The following SLC45A3 variants were observed in gnomAD, a reference collection of about 807,000 sequenced individuals.
SLC45A3 encodes the protein prostate cancer associated protein 2.
Under a neutral mutation model 35.3 loss-of-function variants are expected in SLC45A3, and 17 were observed. The ratio of observed to expected loss-of-function variants is 0.48; its 90% confidence interval spans 0.33 to 0.72. The LOEUF (loss-of-function observed/expected upper bound fraction) is 0.72, where lower values mean the gene tolerates loss of function less well. SLC45A3 is among the 30% of genes least tolerant of loss of function. SLC45A3 has a pLI of 0.02. For synonymous variants in SLC45A3, 288 were observed against 334.3 expected (o/e 0.86, Z 1.51); for missense variants, 597 against 731.7 (o/e 0.82, Z 2.12).
chr1:205,661,465 T>G (rs1671021555), intron 4 of SLC45A3, among the ~76,000 whole-genome samples: 1 of 152,094 alleles, frequency 6.6e-6, no homozygotes, highest in Non-Finnish European at 1.5e-5. Context: ...AGAAAGGTGT[T>G]GCTAAGGCTG....
chr1:205,677,967 AG>A (rs1377841594), intron 1 of SLC45A3, among the ~76,000 whole-genome samples: 1 of 152,194 alleles, frequency 6.6e-6, no homozygotes, highest in Non-Finnish European at 1.5e-5. Flanking sequence ...GGCTTGGACG[AG>A]GTTATGTAAC....
chr1:205,680,337 G>T (rs963711346), intron 1 of SLC45A3, 57 bp downstream of exon 1: 1 of 152,022 alleles, frequency 6.6e-6, no homozygotes, highest in Non-Finnish European at 1.5e-5. Context: ...GTGCACTGCT[G>T]CTCCCTTTCC....
chr1:205,668,730 AG>A (rs1454305998), intron 1 of SLC45A3, among the ~76,000 whole-genome samples: 1 of 152,174 alleles, frequency 6.6e-6, no homozygotes, highest in Non-Finnish European at 1.5e-5. Flanking sequence ...CAGAAACGCA[AG>A]GAACAGGCAG....
intron 1 of SLC45A3, among the ~76,000 whole-genome samples, chr1:205,675,049 G>A (rs2102409982): frequency 6.6e-6 from 1 of 152,340 alleles, no homozygotes; most frequent in East Asian, 1.9e-4. Flanking sequence ...GTTTGAGGAA[G>A]CACACACAGG....
chr1:205,659,279 T>C lies in SLC45A3; in HGVS notation c.1617A>G (p.Thr539=), dbSNP rs763217225. The C allele has an allele frequency of 1.8e-4, 293 of 1,613,922 alleles. No individual in the cohort carries two copies. Among genetic ancestry groups the C allele is most frequent in the Non-Finnish European group, 2.4e-4 (283 of 1,179,976 alleles). The stretch of plus-strand genomic sequence containing the variant: ...AGTCGCTCTTGTCAAATACTACCTG[T>C]GTAGCAAAGTAAATGGCGACCAGAC... ...GLGLVAIYFA[T]QVVFDKSDLA... The change falls in exon 5 of 5, where the codon ACA becomes ACG. Residue 539 remains threonine, a synonymous_variant. Transcript: ENST00000367145. The surrounding 1 kb of genome is among the most constrained non-coding windows in gnomAD (Gnocchi z 5.8).
At chr1:205,677,856 T>C (rs1671336321) in intron 1 of SLC45A3, among the ~76,000 whole-genome samples, 1 of 152,376 alleles carries the variant, frequency 6.6e-6, no homozygotes, top group South Asian at 2.1e-4. Context: ...AGACTATATA[T>C]AACGTAATTA....
intron 1 of SLC45A3, among the ~76,000 whole-genome samples, chr1:205,675,549 G>C (rs1671296719): frequency 6.6e-6 from 1 of 152,030 alleles, no homozygotes. Flanking sequence ...CCCTCCTTTT[G>C]GTCTCTCCCC....
chr1:205,680,099 C>G (rs1253699448), intron 1 of SLC45A3, among the ~76,000 whole-genome samples: 3 of 150,922 alleles, frequency 2.0e-5, no homozygotes, highest in Non-Finnish European at 4.4e-5. Context: ...CACCGCCGCC[C>G]CGCCTGGGAC....
intron 1 of SLC45A3, among the ~76,000 whole-genome samples, chr1:205,667,742 C>G (rs925023793): frequency 7.2e-5 from 11 of 151,972 alleles, no homozygotes; most frequent in African/African-American, 2.7e-4. Context: ...GTCCAGCAAC[C>G]ATTAATCACC....
Position 205,663,174 on chromosome 1 carries a change from A to T in SLC45A3, c.617T>A (p.Ile206Asn). ...TGTGGCTGCTACGCAGGTGAGGAAGATGAGGGTGAGCAGGCCAAAGAGGCA... is the reference window on the plus strand; with the variant it reads ...TGTGGCTGCTACGCAGGTGAGGAAGTTGAGGGTGAGCAGGCCAAAGAGGCA... ...EECLFGLLTL[I>N]FLTCVAATLL... Residue 206 changes from isoleucine (I) to asparagine (N), a missense_variant, in exon 3 of 5, where the codon ATC becomes AAC. Ile to Asn is a moderately radical substitution (Grantham distance 149, BLOSUM62 -3). Around this residue, in one of 3 missense-constraint regions of SLC45A3, gnomAD observed 555 missense variants for 664.9 expected, o/e 0.83. Transcript: ENST00000367145. 1 of 1,612,970 alleles carries T rather than the reference A, an allele frequency of 6.2e-7. No homozygotes were observed. The highest frequency in any genetic ancestry group is 8.5e-7 in the Non-Finnish European group (1 of 1,179,856).
At chr1:205,675,639 G>A (rs767891459) in intron 1 of SLC45A3, among the ~76,000 whole-genome samples, 62 of 152,162 alleles carry the variant, frequency 4.1e-4, no homozygotes, top group African/African-American at 1.1e-3. Context: ...GGCTATCTGC[G>A]TGTCCCTAGA....
rs1402907090 is a variant in SLC45A3, at chr1:205,669,090, G to C, written c.-230-4204C>G. Among the ~76,000 whole-genome samples, 1 of 152,176 alleles carries C rather than the reference G, an allele frequency of 6.6e-6. No homozygotes were observed. The highest frequency in any genetic ancestry group is 1.5e-5 in the Non-Finnish European group (1 of 68,036). On this transcript the variant is annotated intron_variant, in intron 1 of 4. Transcript: ENST00000367145. This position sits in a 1 kb window ranked among gnomAD's most constrained non-coding sequence, Gnocchi z 4.1. ...TAATGAATGAATGGCTAAGAGCAAG[G>C]GGTGGCAGTAGAAGCAAGGGTGAGG... is the stretch of plus-strand genomic sequence containing the variant.
intron 1 of SLC45A3, among the ~76,000 whole-genome samples, chr1:205,675,389 A>G (rs1321494746): frequency 5.9e-5 from 9 of 152,190 alleles, no homozygotes. Flanking sequence ...GCCTCGGAAG[A>G]GAATAAGGGG....
At position 205,663,245 on chromosome 1, in the gene SLC45A3, G is replaced by C. The variant is rs1671061660; in HGVS notation, c.546C>G (p.Asp182Glu). The change falls in exon 3 of 5, where the codon GAC (aspartate) becomes GAG (glutamate). Residue 182 changes from aspartate to glutamate, a missense_variant. By Grantham distance (45) the Asp-to-Glu change is conservative. Transcript: ENST00000367145. ...AGGGGGCCAGGGCACTGGTGTCCCA[G>C]TCAATGGCAGGCAGGAGGTAGCCCA... ...GCLGYLLPAI[D>E]WDTSALAPYL... is the part of the protein sequence containing the mutation. The C allele has an allele frequency of 6.2e-7, 1 of 1,613,560 alleles. No homozygotes were observed. Among genetic ancestry groups the C allele is most frequent in the Non-Finnish European group, 8.5e-7 (1 of 1,180,026 alleles).
intron 1 of SLC45A3, among the ~76,000 whole-genome samples, chr1:205,676,203 T>C (rs1256553076): frequency 6.6e-6 from 1 of 152,116 alleles, no homozygotes; most frequent in Non-Finnish European, 1.5e-5. Flanking sequence ...TTGAACACTA[T>C]TTGCCAACTC....
chr1:205,662,638 C>G lies in SLC45A3; in HGVS notation c.958+195G>C. The G allele has an allele frequency of 7.2e-7, 1 of 1,385,720 alleles. No homozygotes were observed. Among genetic ancestry groups the G allele is most frequent in the Non-Finnish European group, 9.3e-7 (1 of 1,075,158 alleles). The allele number at this position is 1,385,720 out of a possible 1,614,324, so 85.8% of individuals were successfully genotyped here. ...ACTCTGATCAGACTCCTAGAGCAGC[C>G]AGAGGCCTTCCTGAAACCGCAAGCA... On this transcript the variant is annotated intron_variant, in intron 3 of 4. Coordinates refer to ENST00000367145, the MANE Select transcript of SLC45A3 (RefSeq NM_033102.3). This position sits in a 1 kb window ranked among gnomAD's most constrained non-coding sequence, Gnocchi z 6.2.
In SLC45A3 at chr1:205,662,837, A is replaced by G; in HGVS notation, c.954T>C (p.Asp318=). The change falls in exon 3 of 5, where the codon GAT becomes GAC. Residue 318 remains aspartate, a synonymous_variant. Coordinates refer to ENST00000367145, the MANE Select transcript of SLC45A3 (RefSeq NM_033102.3). The surrounding 1 kb of genome is among the most constrained non-coding windows in gnomAD (Gnocchi z 6.2). Reference sequence around the variant, plus strand: ...TGCTGGCTGCCAAGGCCTTACCTTCATCATAGTGTCTCCGGGCCTCGGTGC... The same window carrying G: ...TGCTGGCTGCCAAGGCCTTACCTTCGTCATAGTGTCTCCGGGCCTCGGTGC... ...EPGTEARRHY[D]EGVRMGSLGL... The G allele has an allele frequency of 6.3e-7, 1 of 1,588,108 alleles. No homozygotes were observed. The highest frequency in any genetic ancestry group is 2.3e-5 in the East Asian group (1 of 44,396).
chr1:205,676,316 C>T (rs1387071574), intron 1 of SLC45A3, among the ~76,000 whole-genome samples: 1 of 152,154 alleles, frequency 6.6e-6, no homozygotes. Flanking sequence ...CTGAGGGTAT[C>T]CCCTCTGGCT....
At chr1:205,675,996 G>A (rs1365030276) in intron 1 of SLC45A3, among the ~76,000 whole-genome samples, 2 of 152,168 alleles carry the variant, frequency 1.3e-5, no homozygotes, top group Non-Finnish European at 2.9e-5. Context: ...CACAGGCCCT[G>A]AGAAGAGTAG....
Sources: gnomAD v4.1 joint callset for allele counts (sites outside exome capture counted in the v4.1 genomes callset) on GRCh38, gnomAD v4.1.1 for gene constraint, gnomAD v4.1.1 regional missense constraint, Gnocchi (gnomAD v3.1) non-coding constraint, MANE v1.5 for transcripts, NCBI Gene and HGNC (gene_info 2026-07-23, HGNC 2026-07-21) for gene names.